RNF17: variants seen among roughly 807,000 people sequenced by gnomAD.
RNF17 encodes the protein ring finger protein 17.
Under a neutral mutation model 200.5 loss-of-function variants are expected in RNF17, and 31 were observed. The ratio of observed to expected loss-of-function variants is 0.15; its 90% CI spans 0.12 to 0.21. The LOEUF (loss-of-function observed/expected upper bound fraction) is 0.21. Ranked by LOEUF, RNF17 falls within the 10% of genes least tolerant of loss-of-function variation. The pLI, the probability that RNF17 is intolerant of heterozygous loss-of-function variation, is 1.00. For synonymous variants in RNF17, 606 were observed against 637.8 expected (o/e 0.95, Z 0.75); for missense variants, 1,628 against 1,905.1 (o/e 0.85, Z 2.71).
At chr13:24,776,225 C>T (rs985195838) in intron 3 of RNF17, among the ~76,000 whole-genome samples, 6 of 152,082 alleles carry the variant, frequency 3.9e-5, no homozygotes, top group Non-Finnish European at 5.9e-5. Flanking sequence ...ATTTCTACTG[C>T]CTTATTTAAT....
chr13:24,830,479 T>G lies in RNF17; in HGVS notation c.2246-5T>G, dbSNP rs762934583. ...TTGTAATTTCTAATTTCATAATTTT[T>G]CAAGGATTGCCTGGACATCAGGAAG... is the stretch of plus-strand genomic sequence containing the variant. On this transcript the variant is annotated splice_region_variant and splice_polypyrimidine_tract_variant and intron_variant, in intron 16 of 35. Transcript: ENST00000255324. The G allele has an allele frequency of 1.9e-6, 3 of 1,543,922 alleles. No homozygotes were observed. Among genetic ancestry groups the G allele is most frequent in the Non-Finnish European group, 8.8e-7 (1 of 1,132,450 alleles).
chr13:24,871,064 G>C (rs139151080), intron 32 of RNF17, among the ~76,000 whole-genome samples: 2 of 152,322 alleles, frequency 1.3e-5, no homozygotes, highest in African/African-American at 4.8e-5. Flanking sequence ...TTGTCATTCA[G>C]ACCTTAATGG....
At chr13:24,756,367 A>G in the RNF17 span, among the ~76,000 whole-genome samples, 1 of 152,230 alleles carries the variant, frequency 6.6e-6, no homozygotes, top group Non-Finnish European at 1.5e-5. Flanking sequence ...GTCTGCTAAA[A>G]TAAATATTAA....
At chr13:24,838,397 T>C (rs1890237766) in intron 18 of RNF17, among the ~76,000 whole-genome samples, 1 of 152,098 alleles carries the variant, frequency 6.6e-6, no homozygotes, top group African/African-American at 2.4e-5. Context: ...AACTATAGAC[T>C]GATATCCTTC....
chr13:24,835,870 A>G (rs1017386457), intron 18 of RNF17, among the ~76,000 whole-genome samples: 2 of 152,246 alleles, frequency 1.3e-5, no homozygotes, highest in African/African-American at 4.8e-5. Context: ...TTATTAAGCT[A>G]ATCAGGGAGA....
rs1242486238 is a variant in RNF17 at position 24,851,503 on chromosome 13, T to C, written c.3252T>C (p.Asp1084=). 2.5e-6 allele frequency: 4 copies of C among 1,613,728 alleles called. No homozygotes were observed. Among genetic ancestry groups the C allele is most frequent in the East Asian group, 2.2e-5 (1 of 44,870 alleles). The change falls in exon 24 of 36, where the codon GAT becomes GAC. Residue 1084 remains aspartate (D), a synonymous_variant. Coordinates refer to ENST00000255324, the MANE Select transcript of RNF17 (RefSeq NM_031277.3). Reference sequence around the variant, plus strand: ...TACCTGTGAAAATTTTCTGCAGAGATGAAAAAGGAGAGCGTGTTGATGTTT... The same window carrying C: ...TACCTGTGAAAATTTTCTGCAGAGACGAAAAAGGAGAGCGTGTTGATGTTT... The part of the protein sequence containing the change: ...WPLPVKIFCR[D]EKGERVDVSK...
chr13:24,833,903 AC>A (rs758619275), intron 18 of RNF17, among the ~76,000 whole-genome samples: 1 of 152,358 alleles, frequency 6.6e-6, no homozygotes, highest in Middle Eastern at 3.4e-3. Flanking sequence ...TGATAAAGGT[AC>A]AGAACACAGA....
rs906824261 is a variant in RNF17 at position 24,764,650 on chromosome 13, G to C, written c.130+317G>C. On this transcript the variant is annotated intron_variant, in intron 1 of 35. Coordinates refer to ENST00000255324, the MANE Select transcript of RNF17 (RefSeq NM_031277.3). Reference sequence around the variant, plus strand: ...GGCAGGTTAGCGGGTGCATGCAAAAGTAGACATAAAATGTAGCCCATTGTT... The same window carrying C: ...GGCAGGTTAGCGGGTGCATGCAAAACTAGACATAAAATGTAGCCCATTGTT... Among the ~76,000 whole-genome samples, 13 of 152,336 alleles carry C rather than the reference G, an allele frequency of 8.5e-5. 1 individual carries two copies. The South Asian group carries it at 1.4e-3, about 17-fold the overall frequency.
Position 24,800,644 on chromosome 13 carries a change from T to C in RNF17, c.1758+110T>C. ...TCAGGGAACCAGTAATCTTGATAAA[T>C]ACATAGTGCATATTAAACTGTTAGT... On this transcript the variant is annotated intron_variant, in intron 13 of 35. Transcript: ENST00000255324. 9.2e-6 allele frequency: 7 copies of C among 764,306 alleles called. No homozygotes were observed. In the South Asian group the frequency reaches 1.6e-4, roughly 17 times the overall value. 47.3% of individuals were successfully genotyped at this position (764,306 alleles called of 1,614,324 possible).
chr13:24,873,018 AG>A (rs1894463230), intron 32 of RNF17, among the ~76,000 whole-genome samples: 2 of 152,228 alleles, frequency 1.3e-5, no homozygotes, highest in Admixed American at 1.3e-4. Context: ...TTGATATTAC[AG>A]GCAGTTAAGG....
At chr13:24,819,541 T>C (rs1263966254) in intron 15 of RNF17, among the ~76,000 whole-genome samples, 1 of 152,196 alleles carries the variant, frequency 6.6e-6, no homozygotes, top group Non-Finnish European at 1.5e-5. Context: ...TAGATTATTT[T>C]TTATCATTAC....
chr13:24,879,035 A>G (rs1895156978), intron 34 of RNF17, 152 bp from the exon 35 acceptor site: 6 of 596,218 alleles, frequency 1.0e-5, no homozygotes, highest in Non-Finnish European at 1.8e-5. Context: ...TTTGCAGGAA[A>G]CCACTACAGA....
chr13:24,759,938 C>T (rs1470949553), upstream of RNF17, among the ~76,000 whole-genome samples: 4 of 151,886 alleles, frequency 2.6e-5, no homozygotes, highest in African/African-American at 9.7e-5. Flanking sequence ...GTCAGGAGTT[C>T]GAGACCAGCC....
At chr13:24,874,017 A>G (rs1343352936) in intron 32 of RNF17, 97 bp from the exon 33 acceptor site, 2 of 1,221,002 alleles carry the variant, frequency 1.6e-6, no homozygotes, top group South Asian at 1.3e-5. Flanking sequence ...TGCAACAAAC[A>G]TGGGGTACAA....
intron 10 of RNF17, 25 bp downstream of exon 10, chr13:24,793,371 G>A (rs1445780908): frequency 1.3e-6 from 2 of 1,551,422 alleles, no homozygotes; most frequent in South Asian, 1.2e-5. Flanking sequence ...AAAAGCAGAG[G>A]GGAAAGATCT....
intron 6 of RNF17, 36 bp from the exon 7 acceptor site, chr13:24,787,952 A>G (rs754243103): frequency 6.8e-7 from 1 of 1,480,268 alleles, no homozygotes; most frequent in Non-Finnish European, 9.0e-7. Flanking sequence ...AATATTTATG[A>G]AATACTGCAA....
intron 2 of RNF17, among the ~76,000 whole-genome samples, chr13:24,771,408 T>A (rs1880677424): frequency 7.2e-6 from 1 of 138,756 alleles, no homozygotes; most frequent in Non-Finnish European, 1.5e-5. Flanking sequence ...TTGCCCAGGC[T>A]GGTCACGCCT....
chr13:24,855,049 T>C (rs1466442392), intron 25 of RNF17, among the ~76,000 whole-genome samples: 1 of 152,198 alleles, frequency 6.6e-6, no homozygotes, highest in African/African-American at 2.4e-5. Context: ...GTTTTCCATC[T>C]TTCAAACTTT....
Position 24,853,952 on chromosome 13 carries a change from A to C in RNF17, c.3418A>C (p.Asn1140His). 4 of 1,614,140 alleles carry C rather than the reference A, an allele frequency of 2.5e-6. No individual in the cohort carries two copies. The stretch of plus-strand genomic sequence containing the variant: ...AGTAGTTACTAACTGTATTAAAACT[A>C]ACTTTGACCCTGACAAGAAAACTGC... ...DSVVTNCIKT[N>H]FDPDKKTADI... The change falls in exon 25 of 36, where the codon AAC (asparagine) becomes CAC (histidine). Residue 1140 changes from asparagine to histidine, a missense_variant. This residue lies in a region of RNF17 where 609 missense variants were observed against 681.9 expected (regional missense o/e 0.89). Transcript: ENST00000255324.
Sources: gnomAD v4.1 joint callset for allele counts (sites outside exome capture counted in the v4.1 genomes callset) on GRCh38, gnomAD v4.1.1 for gene constraint, gnomAD v4.1.1 regional missense constraint, MANE v1.5 for transcripts, NCBI Gene and HGNC (gene_info 2026-07-23, HGNC 2026-07-21) for gene names.